The following GNB4 variants were observed in gnomAD, a reference collection of about 807,000 sequenced individuals.
The protein encoded by GNB4 is G protein subunit beta 4.
In GNB4, 28 loss-of-function variants were observed where a neutral mutation model predicts 45.2. The observed-to-expected ratio is 0.62, with a 90% CI of 0.46 to 0.85. The LOEUF (loss-of-function observed/expected upper bound fraction) is 0.85. Ranked by LOEUF, GNB4 falls within the 40% of genes least tolerant of loss-of-function variation. GNB4 has a pLI of 0.00. For synonymous variants in GNB4, 132 were observed against 143.7 expected, an observed-to-expected ratio of 0.92 and a Z score of 0.58; for missense variants, 321 against 425.4, an observed-to-expected ratio of 0.75 and a Z score of 2.16.
rs1714124911 is a variant in GNB4, at chr3:179,396,568, A to T, written c.*4645T>A. 1 of 152,226 alleles carries T rather than the reference A, an allele frequency of 6.6e-6. No homozygotes were observed. The highest frequency in any genetic ancestry group is 1.5e-5 in the Non-Finnish European group (1 of 68,034). The allele number at this position is 152,226 out of a possible 1,614,324, so 9.4% of individuals were successfully genotyped here. A position where few individuals can be genotyped will look rare whatever the true frequency, so the allele number is the denominator to read the frequency against. ...TAAGAAATAAATACTGTATGATGTAAGATTTTGTTGAATACATTTAACACC... is the reference window on the plus strand; with the variant it reads ...TAAGAAATAAATACTGTATGATGTATGATTTTGTTGAATACATTTAACACC... On this transcript the variant is annotated 3_prime_UTR_variant, in exon 10 of 10. Transcript: ENST00000232564.
chr3:179,426,105 C>T, intron 2 of GNB4, 39 bp downstream of exon 2: 1 of 1,535,722 alleles, frequency 6.5e-7, no homozygotes. Flanking sequence ...ATTCCTGGTA[C>T]TAAATAAGTG....
the GNB4 span, among the ~76,000 whole-genome samples, chr3:179,521,369 T>C: frequency 6.6e-6 from 1 of 152,198 alleles, no homozygotes; most frequent in Admixed American, 6.5e-5. Context: ...CTTTTACCAC[T>C]TTCTCTTCTC....
the GNB4 span, among the ~76,000 whole-genome samples, chr3:179,513,212 G>C: frequency 2.7e-5 from 2 of 74,290 alleles, no homozygotes; most frequent in Non-Finnish European, 6.1e-5. Flanking sequence ...TTTTTTTTGA[G>C]ACAGGTTCTT....
At chr3:179,498,670 T>C in the GNB4 span, among the ~76,000 whole-genome samples, 5 of 151,528 alleles carry the variant, frequency 3.3e-5, no homozygotes, top group Non-Finnish European at 5.9e-5. Context: ...CCTGAGCTCA[T>C]GGTCTGCCTG....
At chr3:179,459,513 T>C in the GNB4 span, among the ~76,000 whole-genome samples, 4 of 151,950 alleles carry the variant, frequency 2.6e-5, no homozygotes, top group Admixed American at 2.6e-4. Flanking sequence ...TGAAACCCTG[T>C]CTGCACTAAA....
At chr3:179,495,428 G>T in the GNB4 span, among the ~76,000 whole-genome samples, 12 of 151,814 alleles carry the variant, frequency 7.9e-5, no homozygotes, top group Non-Finnish European at 1.8e-4. Context: ...GTGAGCCAAG[G>T]TCATGCCACT....
intron 1 of GNB4, among the ~76,000 whole-genome samples, chr3:179,438,612 G>A (rs1715520530): frequency 1.3e-5 from 2 of 152,124 alleles, no homozygotes; most frequent in African/African-American, 4.8e-5. Context: ...CCAGAAGGAA[G>A]GCCTTTCTTG....
chr3:179,473,443 A>AT, the GNB4 span, among the ~76,000 whole-genome samples: 86 of 150,514 alleles, frequency 5.7e-4, 1 homozygote, highest in African/African-American at 1.7e-3. Context: ...TTTTTATTTA[A>AT]TTTTTTTTTA....
At chr3:179,502,235 T>TC in the GNB4 span, among the ~76,000 whole-genome samples, 1 of 140,776 alleles carries the variant, frequency 7.1e-6, no homozygotes, top group African/African-American at 2.7e-5. Context: ...TTTCTTTTTT[T>TC]TTTTTTTTTT....
Position 179,416,492 on chromosome 3 carries a change from C to T in GNB4, c.267+1G>A. Reference sequence around the variant, plus strand: ...TTAAAAGAATTATGAAGAAATTCTACCTTATTTGTTGTATAGCTATCCCAA... The same window carrying T: ...TTAAAAGAATTATGAAGAAATTCTATCTTATTTGTTGTATAGCTATCCCAA... On this transcript the variant is annotated splice_donor_variant, in intron 5 of 9. Transcript: ENST00000232564. LOFTEE classifies it high-confidence loss of function. The T allele has an allele frequency of 6.5e-7, 1 of 1,532,910 alleles. No individual in the cohort carries two copies. Among genetic ancestry groups the T allele is most frequent in the Non-Finnish European group, 9.0e-7 (1 of 1,115,588 alleles). 95.0% of individuals were successfully genotyped at this position (1,532,910 alleles called of 1,614,324 possible). A position where few individuals can be genotyped will look rare whatever the true frequency, so the allele number is the denominator to read the frequency against.
chr3:179,409,820 CAAAAAAACA>C (rs1337669385), intron 8 of GNB4, among the ~76,000 whole-genome samples: 4 of 101,408 alleles, frequency 3.9e-5, no homozygotes, highest in African/African-American at 1.7e-4. Flanking sequence ...AAAAAAAAAA[CAAAAAAACA>C]AAACAAAAAA....
chr3:179,443,852 C>T (rs1329068137), intron 1 of GNB4, among the ~76,000 whole-genome samples: 2 of 152,152 alleles, frequency 1.3e-5, no homozygotes, highest in African/African-American at 4.8e-5. Flanking sequence ...ATTCTCTACC[C>T]CACCACTAAT....
At chr3:179,516,767 G>A in the GNB4 span, among the ~76,000 whole-genome samples, 1 of 152,160 alleles carries the variant, frequency 6.6e-6, no homozygotes, top group African/African-American at 2.4e-5. Flanking sequence ...ATTGATAGGT[G>A]GAAGTTTCAG....
At chr3:179,487,766 C>T in the GNB4 span, among the ~76,000 whole-genome samples, 1 of 152,122 alleles carries the variant, frequency 6.6e-6, no homozygotes, top group African/African-American at 2.4e-5. Context: ...ACACTTGCAG[C>T]TTGGCCAGGT....
the GNB4 span, chr3:179,465,073 T>A: frequency 6.8e-7 from 1 of 1,474,910 alleles, no homozygotes; most frequent in Non-Finnish European, 9.5e-7. Context: ...TGAAGAAACA[T>A]ACAATTCTTG....
Position 179,445,635 on chromosome 3 carries a change from C to T in GNB4, c.-43+5711G>A, listed in dbSNP as rs187785317. Among the ~76,000 whole-genome samples the T allele has an allele frequency of 2.1e-4, 32 of 152,224 alleles. No individual in the cohort carries two copies. In the East Asian group the frequency reaches 5.8e-3, roughly 28 times the overall value. ...ATTAATGTTTAAGGATATTCATTAA[C>T]CAATTGTATATATGACAACAAATTA... On this transcript the variant is annotated intron_variant, in intron 1 of 9. Coordinates refer to ENST00000232564, the MANE Select transcript of GNB4 (RefSeq NM_021629.4).
At position 179,414,870 on chromosome 3, in the gene GNB4, T is replaced by C; in HGVS notation, c.430+15A>G. 1 of 1,556,718 alleles carries C rather than the reference T, an allele frequency of 6.4e-7. No individual in the cohort carries two copies. The highest frequency in any genetic ancestry group is 8.8e-7 in the Non-Finnish European group (1 of 1,139,936). On this transcript the variant is annotated intron_variant, in intron 6 of 9. Coordinates refer to ENST00000232564, the MANE Select transcript of GNB4 (RefSeq NM_021629.4). ...AGGAATCGTGTGGTGGGAAAGAATA[T>C]TTAGGGAAGCTCACCTGTGTGACCT...
chr3:179,409,518 C>CA (rs553363483), intron 8 of GNB4, among the ~76,000 whole-genome samples: 102 of 106,446 alleles, frequency 9.6e-4, no homozygotes, highest in South Asian at 1.9e-3. Context: ...ATCTCAAAAA[C>CA]AAAAAAAAAA....
chr3:179,478,839 C>T, the GNB4 span, among the ~76,000 whole-genome samples: 15 of 152,190 alleles, frequency 9.9e-5, no homozygotes, highest in African/African-American at 3.1e-4. Flanking sequence ...GCACCATCAT[C>T]CTAGTGATGT....
Sources: allele counts gnomAD v4.1 joint callset (sites outside exome capture counted in the v4.1 genomes callset), GRCh38; gene constraint gnomAD v4.1.1; transcripts MANE v1.5; gene names NCBI Gene and HGNC (gene_info 2026-07-23, HGNC 2026-07-21).